The following CD300LG variants were observed in gnomAD, a reference collection of about 807,000 sequenced individuals.
The protein encoded by CD300LG is CMRF35-like molecule 9.
Under a neutral mutation model 31.5 loss-of-function variants are expected in CD300LG, and 29 were observed. The ratio of observed to expected loss-of-function variants is 0.92; its 90% CI spans 0.68 to 1.25. The LOEUF (loss-of-function observed/expected upper bound fraction) is 1.25. CD300LG is among the 50% of genes most tolerant of loss of function. The pLI is 0.00. For synonymous variants in CD300LG, 175 were observed against 177.2 expected (o/e 0.99, Z 0.10); for missense variants, 396 against 417.6 (o/e 0.95, Z 0.45).
At chr17:43,855,015 CATA>C (rs1310990247) in intron 4 of CD300LG, among the ~76,000 whole-genome samples, 189 bp from the exon 5 acceptor site, 7 of 152,116 alleles carry the variant, frequency 4.6e-5, no homozygotes, top group Non-Finnish European at 1.5e-5. Context: ...GCGCTAATTA[CATA>C]ATGTTTGTCA....
chr17:43,850,449 TTTTA>T (rs1332703808), intron 2 of CD300LG, among the ~76,000 whole-genome samples: 2 of 143,164 alleles, frequency 1.4e-5, no homozygotes, highest in Non-Finnish European at 2.9e-5. Context: ...ATTTATTTAT[TTTTA>T]TTCATTCATT....
chr17:43,861,683 G>C, intron 6 of CD300LG, 115 bp from the exon 7 acceptor site: 1 of 614,012 alleles, frequency 1.6e-6, no homozygotes, highest in East Asian at 3.2e-5. Flanking sequence ...TGGACGGAGG[G>C]CTGGAACTTG....
At chr17:43,857,818 C>T (rs1309082338) in intron 6 of CD300LG, 2 of 1,537,140 alleles carry the variant, frequency 1.3e-6, no homozygotes, top group Middle Eastern at 1.7e-4. Context: ...CTGAGCCTGC[C>T]TTGGCTCTGA....
chr17:43,855,505 A>G, intron 5 of CD300LG, 186 bp downstream of exon 5: 1 of 469,940 alleles, frequency 2.1e-6, no homozygotes, highest in Non-Finnish European at 3.8e-6. Context: ...TTAGGAAAGT[A>G]ATTCACAAGG....
intron 6 of CD300LG, among the ~76,000 whole-genome samples, chr17:43,860,568 C>T (rs903917044): frequency 6.6e-6 from 1 of 152,224 alleles, no homozygotes; most frequent in African/African-American, 2.4e-5. Context: ...ATGGGAGCAG[C>T]CAGGCCCGGG....
intron 1 of CD300LG, 50 bp from the exon 2 acceptor site, chr17:43,848,508 T>C: frequency 6.8e-7 from 1 of 1,462,520 alleles, no homozygotes; most frequent in Non-Finnish European, 9.4e-7. Flanking sequence ...GCCTTGACCT[T>C]GGTACATGGA....
chr17:43,853,840 C>A lies in CD300LG; in HGVS notation c.515C>A (p.Ala172Asp). The change falls in exon 4 of 7, where the codon GCC becomes GAC. Residue 172 changes from alanine (A) to aspartate (D), a missense_variant. Physicochemically the swap from Ala to Asp is moderately radical, Grantham distance 126. Transcript: ENST00000317310. ...SPGLYPAATT[A>D]KQGKTGAEAP... The stretch of plus-strand genomic sequence containing the variant: ...GGGCTCTACCCGGCAGCCACCACAG[C>A]CAAGCAGGGGAAGACAGGGGCTGAG... 6.2e-7 allele frequency: 1 copy of A among 1,614,068 alleles called. No homozygotes were observed.
At chr17:43,854,153 G>T in intron 4 of CD300LG, 109 bp downstream of exon 4, 1 of 805,636 alleles carries the variant, frequency 1.2e-6, no homozygotes. Context: ...GCATCCTCTT[G>T]TCATGGCCAC....
In CD300LG at chr17:43,852,896, T is replaced by G. The variant is rs754028686; in HGVS notation, c.380-16T>G. ...AGCGGTGCCACCCCTGAGAGCAGCC[T>G]TTCCCTTTCCTCTAGGACCCTGCTG... On this transcript the variant is annotated splice_polypyrimidine_tract_variant and intron_variant, in intron 2 of 6. Coordinates refer to ENST00000317310, the MANE Select transcript of CD300LG (RefSeq NM_145273.4). 1.9e-5 allele frequency: 30 copies of G among 1,599,616 alleles called. No homozygotes were observed. Among genetic ancestry groups the G allele is most frequent in the Non-Finnish European group, 2.5e-5 (29 of 1,171,014 alleles).
rs564442578 is a variant in CD300LG, at chr17:43,848,570, T to G, written c.56T>G (p.Leu19Arg). The change falls in exon 2 of 7, where the codon CTG becomes CGG. Residue 19 changes from leucine (L) to arginine (R), a missense_variant. Coordinates refer to ENST00000317310, the MANE Select transcript of CD300LG (RefSeq NM_145273.4). The part of the protein sequence containing the change: ...GCLLLPGYEA[L>R]EGPEEISGFE... ...GCTCTGATTTTAGGTTATGAAGCCC[T>G]GGAGGGCCCAGAGGAAATCAGCGGG... 6.2e-7 allele frequency: 1 copy of G among 1,613,626 alleles called. No homozygotes were observed. Among genetic ancestry groups the G allele is most frequent in the East Asian group, 2.2e-5 (1 of 44,880 alleles).
At chr17:43,854,150 C>T (rs1318694015) in intron 4 of CD300LG, 106 bp downstream of exon 4, 5 of 814,050 alleles carry the variant, frequency 6.1e-6, no homozygotes, top group Non-Finnish European at 9.8e-6. Context: ...GACGCATCCT[C>T]TTGTCATGGC....
rs200210430 is a variant in CD300LG, at chr17:43,861,775, A to G, written c.886-23A>G. 164 of 1,522,770 alleles carry G rather than the reference A, an allele frequency of 1.1e-4. 1 individual carries two copies. The East Asian group carries it at 3.7e-3, about 34-fold the overall frequency. The allele number at this position is 1,522,770 out of a possible 1,614,324, so 94.3% of individuals were successfully genotyped here. A position where few individuals can be genotyped will look rare whatever the true frequency, so the allele number is the denominator to read the frequency against. ...CCCCTTCATCTGGGTTCTGCTCTCCAAACCCCACTGTTGTCTTTACAGACT... is the reference window on the plus strand; with the variant it reads ...CCCCTTCATCTGGGTTCTGCTCTCCGAACCCCACTGTTGTCTTTACAGACT... On this transcript the variant is annotated intron_variant, in intron 6 of 6. Coordinates refer to ENST00000317310, the MANE Select transcript of CD300LG (RefSeq NM_145273.4).
rs774934323 is a variant in CD300LG at position 43,857,773 on chromosome 17, T to C, written c.885+617T>C. 1.3e-6 allele frequency: 2 copies of C among 1,537,242 alleles called. 1 individual carries two copies. The highest frequency in any genetic ancestry group is 2.4e-5 in the South Asian group (2 of 84,058). On this transcript the variant is annotated intron_variant, in intron 6 of 6. Transcript: ENST00000317310. ...AACAGGACCCAGATTTCTTGACTCC[T>C]GCTCTTCTCTTTCCAGAACTCCCTG...
rs753513708 is a variant in CD300LG, at chr17:43,861,785, G to A, written c.886-13G>A. 6.4e-7 allele frequency: 1 copy of A among 1,568,790 alleles called. No individual in the cohort carries two copies. Among genetic ancestry groups the A allele is most frequent in the South Asian group, 1.2e-5 (1 of 84,544 alleles). On this transcript the variant is annotated splice_polypyrimidine_tract_variant and intron_variant, in intron 6 of 6. Transcript: ENST00000317310. ...TGGGTTCTGCTCTCCAAACCCCACTGTTGTCTTTACAGACTGCGGAGGAAA... is the reference window on the plus strand; with the variant it reads ...TGGGTTCTGCTCTCCAAACCCCACTATTGTCTTTACAGACTGCGGAGGAAA...
At chr17:43,858,065 G>A in intron 6 of CD300LG, 1 of 1,425,528 alleles carries the variant, frequency 7.0e-7, no homozygotes, top group Non-Finnish European at 9.1e-7. Flanking sequence ...TGTTTACTGA[G>A]ATGCCTCCAC....
chr17:43,857,059 G>C, intron 5 of CD300LG, 45 bp from the exon 6 acceptor site: 1 of 1,606,014 alleles, frequency 6.2e-7, no homozygotes, highest in South Asian at 1.1e-5. Context: ...GCCACTCCCG[G>C]CTACTCCTGG....
rs146326351 is a variant in CD300LG at position 43,853,937 on chromosome 17, C to T, written c.612C>T (p.His204=). The change falls in exon 4 of 7, where the codon CAC becomes CAT. Residue 204 remains histidine (H), a synonymous_variant. Coordinates refer to ENST00000317310, the MANE Select transcript of CD300LG (RefSeq NM_145273.4). The part of the protein sequence containing the change: ...RTSQYTGTSP[H]PATSPPAGSS... ...CTCAGTACACAGGAACCTCTCCTCA[C>T]CCAGCGACCTCTCCTCCTGCAGGGA... The T allele has an allele frequency of 2.5e-6, 4 of 1,614,026 alleles. No individual in the cohort carries two copies.
rs1051744507 is a variant in CD300LG at position 43,861,712 on chromosome 17, C to T, written c.886-86C>T. 92 of 826,338 alleles carry T rather than the reference C, an allele frequency of 1.1e-4. No individual in the cohort carries two copies. In the East Asian group the frequency reaches 2.3e-3, roughly 21 times the overall value. 51.2% of individuals were successfully genotyped at this position (826,338 alleles called of 1,614,324 possible). On this transcript the variant is annotated intron_variant, in intron 6 of 6. Coordinates refer to ENST00000317310, the MANE Select transcript of CD300LG (RefSeq NM_145273.4). ...GAACTTGTGGAAAAGGCTGGGTGGA[C>T]GCAGCAGCTACCTGGGGACCACCCC...
At chr17:43,858,542 G>A in intron 6 of CD300LG, 1 of 985,450 alleles carries the variant, frequency 1.0e-6, no homozygotes, top group Non-Finnish European at 1.2e-6. Flanking sequence ...GGACAGGAAG[G>A]GGCACAGGGC....
Sources: allele counts gnomAD v4.1 joint callset (sites outside exome capture counted in the v4.1 genomes callset), GRCh38; gene constraint gnomAD v4.1.1; transcripts MANE v1.5; gene names NCBI Gene and HGNC (gene_info 2026-07-23, HGNC 2026-07-21).